The following CACNA2D3 variants were observed in gnomAD, a reference collection of about 807,000 sequenced individuals.
CACNA2D3 encodes calcium voltage-gated channel auxiliary subunit alpha2delta 3, also known as voltage-dependent calcium channel subunit alpha-2/delta-3.
In CACNA2D3, 60 loss-of-function variants were observed where a neutral mutation model predicts 160.6. The ratio of observed to expected loss-of-function variants is 0.37; its 90% CI spans 0.30 to 0.46. The LOEUF (loss-of-function observed/expected upper bound fraction) is 0.46, where lower values mean the gene tolerates loss of function less well. Ranked by LOEUF, CACNA2D3 falls within the 20% of genes least tolerant of loss-of-function variation. The pLI is 1.00. For synonymous variants in CACNA2D3, 558 were observed against 492.9 expected (o/e 1.13, Z -1.75); for missense variants, 1,205 against 1,365.0 (o/e 0.88, Z 1.85).
intron 4 of CACNA2D3, among the ~76,000 whole-genome samples, chr3:54,436,493 G>A (rs1430517738): frequency 6.6e-6 from 1 of 152,162 alleles, no homozygotes; most frequent in Non-Finnish European, 1.5e-5. Context: ...GTTTATTGCA[G>A]CACTATTTAC....
intron 4 of CACNA2D3, among the ~76,000 whole-genome samples, chr3:54,428,840 AC>A (rs1699946589): frequency 6.7e-6 from 1 of 148,978 alleles, no homozygotes; most frequent in African/African-American, 2.4e-5. Flanking sequence ...TTATCTAGTT[AC>A]TGTAGTGTTC....
chr3:54,689,010 A>AAAAAAAAAAAAAAGAG lies in CACNA2D3; in HGVS notation c.1167+46770_1167+46771insAAAAAAAAAAAAGAGA, dbSNP rs1553785965. ...AAAAAAAAAAAAAAAAAAAAAAAAA[A>AAAAAAAAAAAAAAGAG]AGAATGAGGTTGTATACATAAAGCA... On this transcript the variant is annotated intron_variant, in intron 11 of 37. Coordinates refer to ENST00000474759, the MANE Select transcript of CACNA2D3 (RefSeq NM_018398.3). 3.3e-4 allele frequency among the ~76,000 whole-genome samples: 28 copies of AAAAAAAAAAAAAAGAG among 85,496 alleles called. 9 individuals carry two copies. The highest frequency in any genetic ancestry group is 2.0e-3 in the East Asian group (5 of 2,450). The allele number at this position is 85,496 out of a possible 152,430, so 56.1% of individuals were successfully genotyped here.
chr3:54,479,093 G>T (rs879659687), intron 4 of CACNA2D3, among the ~76,000 whole-genome samples: 1 of 151,804 alleles, frequency 6.6e-6, no homozygotes, highest in South Asian at 2.1e-4. Context: ...ATCATGGAGC[G>T]GTTACCTCCA....
chr3:54,805,221 T>A (rs1264764714), intron 13 of CACNA2D3, among the ~76,000 whole-genome samples: 4 of 151,828 alleles, frequency 2.6e-5, no homozygotes, highest in Non-Finnish European at 5.9e-5. Flanking sequence ...CTGAAGGAAA[T>A]AGAGACACAA....
rs947188660 is a variant in CACNA2D3, at chr3:54,627,875, A to T, written c.1052A>T (p.Asp351Val). 1.3e-5 allele frequency: 21 copies of T among 1,586,970 alleles called. No individual in the cohort carries two copies. The highest frequency in any genetic ancestry group is 3.3e-4 in the Middle Eastern group (2 of 6,022). ...AATGAGGCCTTCAACATTCTGAGTG[A>T]TGTAAGTTCCTCTTTGATTTGCCTT... ...ALNEAFNILS[D>V]FNHTGQGSIC... Residue 351 changes from aspartate (D) to valine (V), a missense_variant and splice_region_variant, in exon 10 of 38, where the codon GAT (aspartate) becomes GTT (valine). Asp to Val is a radical substitution (Grantham distance 152, BLOSUM62 -3). Coordinates refer to ENST00000474759, the MANE Select transcript of CACNA2D3 (RefSeq NM_018398.3).
At chr3:54,348,645 G>A (rs1476222535) in intron 3 of CACNA2D3, among the ~76,000 whole-genome samples, 1 of 152,206 alleles carries the variant, frequency 6.6e-6, no homozygotes, top group Non-Finnish European at 1.5e-5. Context: ...ATTGCAAATG[G>A]CACTAAAATT....
At chr3:54,182,351 A>G (rs760782245) in intron 2 of CACNA2D3, among the ~76,000 whole-genome samples, 8 of 152,168 alleles carry the variant, frequency 5.3e-5, no homozygotes, top group Non-Finnish European at 8.8e-5. Flanking sequence ...TTTGATAAAT[A>G]TTGTCACCCT....
At chr3:54,521,443 G>T (rs1701645139) in intron 5 of CACNA2D3, among the ~76,000 whole-genome samples, 2 of 92,092 alleles carry the variant, frequency 2.2e-5, no homozygotes, top group South Asian at 7.0e-4. Context: ...CCAGATACAA[G>T]TCCCTTATCA....
intron 11 of CACNA2D3, among the ~76,000 whole-genome samples, chr3:54,749,841 G>A (rs906399535): frequency 2.5e-4 from 38 of 152,094 alleles, no homozygotes; most frequent in African/African-American, 8.5e-4. Context: ...TCTTTCATAA[G>A]CAATAAAATA....
At chr3:54,977,056 T>C (rs927309083) in intron 29 of CACNA2D3, among the ~76,000 whole-genome samples, 1 of 152,242 alleles carries the variant, frequency 6.6e-6, no homozygotes, top group African/African-American at 2.4e-5. Context: ...GCAATTGTAC[T>C]CTAATTTTCC....
intron 2 of CACNA2D3, among the ~76,000 whole-genome samples, chr3:54,225,914 G>A (rs1391212579): frequency 6.6e-6 from 1 of 151,978 alleles, no homozygotes; most frequent in African/African-American, 2.4e-5. Flanking sequence ...TTTAATTTCC[G>A]GAAAGCACTG....
At chr3:54,170,145 G>T (rs1700536293) in intron 2 of CACNA2D3, among the ~76,000 whole-genome samples, 1 of 150,230 alleles carries the variant, frequency 6.7e-6, no homozygotes. Flanking sequence ...AGCCGAGATT[G>T]CGCTATTGCA....
chr3:54,438,263 A>G (rs1038202944), intron 4 of CACNA2D3, among the ~76,000 whole-genome samples: 1 of 152,216 alleles, frequency 6.6e-6, no homozygotes, highest in African/African-American at 2.4e-5. Context: ...TATGTGAAGT[A>G]TGTAAAATAA....
chr3:54,524,852 A>G (rs1701700340), intron 5 of CACNA2D3, among the ~76,000 whole-genome samples: 1 of 152,034 alleles, frequency 6.6e-6, no homozygotes, highest in African/African-American at 2.4e-5. Context: ...TCCATAATAC[A>G]CTTTTCATTT....
At chr3:54,543,474 A>G (rs1702014930) in intron 5 of CACNA2D3, among the ~76,000 whole-genome samples, 1 of 152,204 alleles carries the variant, frequency 6.6e-6, no homozygotes, top group South Asian at 2.1e-4. Context: ...ACTATTTTTA[A>G]AGGGTGATTT....
intron 2 of CACNA2D3, among the ~76,000 whole-genome samples, chr3:54,185,575 C>A (rs1039601420): frequency 1.3e-5 from 2 of 152,084 alleles, no homozygotes; most frequent in African/African-American, 4.8e-5. Flanking sequence ...TCTATAGATT[C>A]AACACTAAAT....
rs1433699265 is a variant in CACNA2D3 at position 54,797,140 on chromosome 3, T to C, written c.1381-19713T>C. ...TGCTCTCTGTCTTGAAGGCAGCCAT[T>C]GGTAAATTTACACTGGAACAAGCTA... On this transcript the variant is annotated intron_variant, in intron 13 of 37. Coordinates refer to ENST00000474759, the MANE Select transcript of CACNA2D3 (RefSeq NM_018398.3). Among the ~76,000 whole-genome samples the C allele has an allele frequency of 2.6e-5, 4 of 152,208 alleles. No homozygotes were observed. The South Asian group carries it at 8.3e-4, about 32-fold the overall frequency.
intron 11 of CACNA2D3, among the ~76,000 whole-genome samples, chr3:54,677,835 G>C (rs1425986745): frequency 6.6e-6 from 1 of 152,058 alleles, no homozygotes; most frequent in Non-Finnish European, 1.5e-5. Flanking sequence ...GAGGAGGAGA[G>C]AGAGTAATTT....
intron 2 of CACNA2D3, among the ~76,000 whole-genome samples, chr3:54,231,880 G>A (rs1701776235): frequency 6.6e-6 from 1 of 152,160 alleles, no homozygotes; most frequent in African/African-American, 2.4e-5. Flanking sequence ...GGGGCAGGGT[G>A]GGAGGGGAGT....
Sources: gnomAD v4.1 joint callset for allele counts (sites outside exome capture counted in the v4.1 genomes callset) on GRCh38, gnomAD v4.1.1 for gene constraint, MANE v1.5 for transcripts, NCBI Gene and HGNC (gene_info 2026-07-23, HGNC 2026-07-21) for gene names.